The following SORBS2 variants were observed in gnomAD, a reference collection of about 807,000 sequenced individuals.
The protein encoded by SORBS2 is sorbin and SH3 domain containing 2, also known as sorbin and SH3 domain-containing protein 2.
SORBS2 carries 46 observed loss-of-function variants against 97.7 expected under a neutral mutation model. The ratio of observed to expected loss-of-function variants is 0.47; its 90% CI spans 0.37 to 0.60. SORBS2 has a LOEUF of 0.60. Ranked by LOEUF, SORBS2 falls within the 20% of genes least tolerant of loss-of-function variation. The pLI is 0.00. For missense variants in SORBS2, 1,316 were observed against 1,282.3 expected (o/e 1.03, Z -0.40); for synonymous variants, 476 against 473.4 (o/e 1.01, Z -0.07).
At chr4:185,951,949 T>C (rs890219720) in intron 1 of SORBS2, among the ~76,000 whole-genome samples, 1 of 152,108 alleles carries the variant, frequency 6.6e-6, no homozygotes, top group Non-Finnish European at 1.5e-5. Context: ...AGAATTCCAA[T>C]CTGGTAAAGG....
In SORBS2 at chr4:185,606,229, A is replaced by G. The variant is rs1217864144; in HGVS notation, c.2796+5551T>C. 1 of 985,304 alleles carries G rather than the reference A, an allele frequency of 1.0e-6. No individual in the cohort carries two copies. Among genetic ancestry groups the G allele is most frequent in the African/African-American group, 1.7e-5 (1 of 57,242 alleles). 61.0% of individuals were successfully genotyped at this position (985,304 alleles called of 1,614,324 possible). On this transcript the variant is annotated intron_variant, in intron 12 of 14. Coordinates refer to ENST00000418609, the Ensembl canonical transcript of SORBS2. The surrounding 1 kb of genome is among the most constrained non-coding windows in gnomAD (Gnocchi z 4.3). ...TCACACACCTCACTGGGTTTTGACG[A>G]TTAAAGATGTGGAGTTTTTAGAATA... is the stretch of plus-strand genomic sequence containing the variant.
chr4:185,868,159 C>CTTTTTTTTTTTTTTTTTTTTTTTTTT (rs112680775), intron 1 of SORBS2, among the ~76,000 whole-genome samples: 1 of 105,222 alleles, frequency 9.5e-6, no homozygotes, highest in Non-Finnish European at 1.8e-5. Context: ...TTTTTTCTTT[C>CTTTTTTTTTTTTTTTTTTTTTTTTTT]TTTTTTTTTT....
At chr4:185,930,376 G>C (rs1282123707) in intron 1 of SORBS2, among the ~76,000 whole-genome samples, 2 of 151,884 alleles carry the variant, frequency 1.3e-5, no homozygotes, top group Non-Finnish European at 1.5e-5. Flanking sequence ...CTCACTGCAA[G>C]CTCCACCACC....
At chr4:185,852,680 G>A (rs551088455) in intron 1 of SORBS2, among the ~76,000 whole-genome samples, 128 of 152,212 alleles carry the variant, frequency 8.4e-4, no homozygotes, top group African/African-American at 2.9e-3. Flanking sequence ...TAGCCTCTGC[G>A]GTAGGTTATT....
Position 185,779,244 on chromosome 4 carries a change from C to T in SORBS2, c.-337-3878G>A, listed in dbSNP as rs186016068. ...GTTCGAATCCTCATCCTGCCACTTA[C>T]GCGTGGCTGTGGCTGTAGGTCACTT... On this transcript the variant is annotated intron_variant, in intron 1 of 20. Coordinates refer to the SORBS2 transcript ENST00000284776. Among the ~76,000 whole-genome samples, 854 of 152,264 alleles carry T rather than the reference C, an allele frequency of 5.6e-3. 3 individuals are homozygous for T. The highest frequency in any genetic ancestry group is 9.5e-3 in the Admixed American group (145 of 15,300).
rs533612237 is a variant in SORBS2 at position 185,638,266 on chromosome 4, T to C, written c.397-7668A>G. ...TCACGCGCGCATTGACACGCAAACA[T>C]GCATCAACTCTCACCCCACGAACCT... On this transcript the variant is annotated intron_variant, in intron 4 of 14. Coordinates refer to ENST00000418609, the Ensembl canonical transcript of SORBS2. 38 of 751,124 alleles carry C rather than the reference T, an allele frequency of 5.1e-5. No individual in the cohort carries two copies. In the East Asian group the frequency reaches 8.9e-4, roughly 18 times the overall value. The allele number at this position is 751,124 out of a possible 1,614,324, so 46.5% of individuals were successfully genotyped here. A position where few individuals can be genotyped will look rare whatever the true frequency, so the allele number is the denominator to read the frequency against.
intron 1 of SORBS2, among the ~76,000 whole-genome samples, chr4:185,831,081 T>G (rs998563533): frequency 2.0e-5 from 3 of 146,882 alleles, no homozygotes; most frequent in African/African-American, 7.3e-5. Flanking sequence ...TTTTATCTTC[T>G]CAAGGTTTTT....
intron 1 of SORBS2, among the ~76,000 whole-genome samples, chr4:185,920,588 C>T (rs534142680): frequency 3.8e-4 from 58 of 152,222 alleles, no homozygotes; most frequent in African/African-American, 1.4e-3. Context: ...TCAGAGATTC[C>T]AGCCATCCAA....
At chr4:185,718,587 AG>A (rs1423643585) in intron 2 of SORBS2, among the ~76,000 whole-genome samples, 2 of 152,252 alleles carry the variant, frequency 1.3e-5, no homozygotes, top group Non-Finnish European at 2.9e-5. Context: ...GTTGGCGTAC[AG>A]GTTACCTAGG....
rs373201100 is a variant in SORBS2 at position 185,753,365 on chromosome 4, T to C, written c.-198+21862A>G. ...GTTACTGGGAGAATTAGAAATTGCA[T>C]AAGGATTCAATGCAAAATACTTTGT... On this transcript the variant is annotated intron_variant, in intron 2 of 20. Transcript: ENST00000284776. 3.5e-4 allele frequency among the ~76,000 whole-genome samples: 53 copies of C among 152,342 alleles called. 1 individual carries two copies. Among genetic ancestry groups the C allele is most frequent in the African/African-American group, 1.2e-3 (50 of 41,588 alleles).
In SORBS2 at chr4:185,763,282, T is replaced by A. The variant is rs970801316; in HGVS notation, c.-198+11945A>T. ...AAAAGCAGGAGATGACATTCCCATG[T>A]GAAAGGTGTCCTCCCTTGGCCAGGT... is the stretch of plus-strand genomic sequence containing the variant. On this transcript the variant is annotated intron_variant, in intron 2 of 20. Transcript: ENST00000284776. Among the ~76,000 whole-genome samples, 5 of 152,168 alleles carry A rather than the reference T, an allele frequency of 3.3e-5. 1 individual carries two copies. Among genetic ancestry groups the A allele is most frequent in the Admixed American group, 2.6e-4 (4 of 15,268 alleles).
chr4:185,836,779 T>A (rs764695333), intron 1 of SORBS2, among the ~76,000 whole-genome samples: 21 of 152,290 alleles, frequency 1.4e-4, no homozygotes, highest in African/African-American at 5.1e-4. Flanking sequence ...TATAGAAAAA[T>A]GTTCTTTTGA....
chr4:185,626,674 C>A, intron 6 of SORBS2, 158 bp downstream of exon 18: 1 of 720,100 alleles, frequency 1.4e-6, no homozygotes, highest in Non-Finnish European at 2.3e-6. Flanking sequence ...TTGAGTCAGT[C>A]TGGGTGGGAA....
Position 185,607,030 on chromosome 4 carries a change from G to T in SORBS2, c.2796+4750C>A. ...CTGGGCTGCAGCCGAGGCCACACCCGCGTGAGTGGAAGGTGATTCGGCAGG... is the reference window on the plus strand; with the variant it reads ...CTGGGCTGCAGCCGAGGCCACACCCTCGTGAGTGGAAGGTGATTCGGCAGG... On this transcript the variant is annotated intron_variant, in intron 12 of 14. Transcript: ENST00000418609. The surrounding 1 kb of genome is among the most constrained non-coding windows in gnomAD (Gnocchi z 5.2). 9.8e-7 allele frequency: 1 copy of T among 1,020,368 alleles called. No homozygotes were observed. The highest frequency in any genetic ancestry group is 1.2e-6 in the Non-Finnish European group (1 of 850,804). The allele number at this position is 1,020,368 out of a possible 1,614,324, so 63.2% of individuals were successfully genotyped here. A position where few individuals can be genotyped will look rare whatever the true frequency, so the allele number is the denominator to read the frequency against.
intron 4 of SORBS2, among the ~76,000 whole-genome samples, chr4:185,666,539 C>T (rs954552293): frequency 1.3e-5 from 2 of 152,142 alleles, no homozygotes; most frequent in African/African-American, 2.4e-5. Context: ...ATCAGACTAT[C>T]GGTCAGCAGA....
intron 2 of SORBS2, among the ~76,000 whole-genome samples, chr4:185,704,522 T>C (rs1330888566): frequency 6.6e-6 from 1 of 152,098 alleles, no homozygotes; most frequent in East Asian, 1.9e-4. Flanking sequence ...TTTCACCATG[T>C]TGGCTAGGCT....
At chr4:185,878,537 A>T (rs1413781484) in intron 1 of SORBS2, among the ~76,000 whole-genome samples, 1 of 152,108 alleles carries the variant, frequency 6.6e-6, no homozygotes, top group Non-Finnish European at 1.5e-5. Context: ...AGCCCTCAGC[A>T]TGTCCTGTGG....
At chr4:185,878,556 G>C (rs180781323) in intron 1 of SORBS2, among the ~76,000 whole-genome samples, 2 of 152,040 alleles carry the variant, frequency 1.3e-5, no homozygotes, top group African/African-American at 4.8e-5. Flanking sequence ...GGACTTTGCC[G>C]CTAAGGACCT....
At chr4:185,678,686 A>G in intron 3 of SORBS2, 110 bp downstream of exon 6, 1 of 1,138,804 alleles carries the variant, frequency 8.8e-7, no homozygotes, top group Non-Finnish European at 1.2e-6. Context: ...TTTAATATGC[A>G]TAACAGTACA....
Sources: allele counts gnomAD v4.1 joint callset (sites outside exome capture counted in the v4.1 genomes callset), GRCh38; gene constraint gnomAD v4.1.1; non-coding constraint Gnocchi (gnomAD v3.1); transcripts MANE v1.5; gene names NCBI Gene and HGNC (gene_info 2026-07-23, HGNC 2026-07-21).